NUDT9: variants seen among roughly 807,000 people sequenced by gnomAD.
NUDT9 encodes the protein ADP-ribose pyrophosphatase.
NUDT9 carries 31 observed loss-of-function variants against 41.0 expected under a neutral mutation model. The observed-to-expected ratio is 0.76, with a 90% CI of 0.57 to 1.02. The LOEUF (loss-of-function observed/expected upper bound fraction) is 1.02, where lower values mean the gene tolerates loss of function less well. NUDT9 is among the 50% of genes least tolerant of loss of function. The pLI is 0.00. For synonymous variants in NUDT9, 146 were observed against 147.6 expected, an observed-to-expected ratio of 0.99 and a Z score of 0.08; for missense variants, 380 against 431.4, an observed-to-expected ratio of 0.88 and a Z score of 1.06.
At chr4:87,440,000 C>T (rs1206995820) in intron 3 of NUDT9, among the ~76,000 whole-genome samples, 3 of 152,186 alleles carry the variant, frequency 2.0e-5, no homozygotes, top group Non-Finnish European at 4.4e-5. Flanking sequence ...CCTGGTCCTT[C>T]AGTTTTGCTA....
At chr4:87,437,957 A>T (rs1015616008) in intron 2 of NUDT9, among the ~76,000 whole-genome samples, 3 of 152,224 alleles carry the variant, frequency 2.0e-5, no homozygotes, top group African/African-American at 7.2e-5. Context: ...CCCACAAACA[A>T]TTCCTTCTTG....
intron 2 of NUDT9, among the ~76,000 whole-genome samples, chr4:87,436,313 C>T (rs1276395345): frequency 6.6e-6 from 1 of 152,156 alleles, no homozygotes; most frequent in East Asian, 1.9e-4. Context: ...TGACCATCAT[C>T]TCCCCATTTT....
At chr4:87,424,294 C>G (rs776680686) in intron 1 of NUDT9, among the ~76,000 whole-genome samples, 2 of 137,716 alleles carry the variant, frequency 1.5e-5, no homozygotes, top group South Asian at 2.4e-4. Context: ...GAGTTTCGCT[C>G]TGTCGCCCAG....
chr4:87,443,398 A>T (rs1431207291), intron 4 of NUDT9, among the ~76,000 whole-genome samples: 1 of 152,232 alleles, frequency 6.6e-6, no homozygotes, highest in Non-Finnish European at 1.5e-5. Context: ...GGCATTATAT[A>T]AAGAAGGTAA....
intron 5 of NUDT9, among the ~76,000 whole-genome samples, chr4:87,450,319 T>G (rs1315743919): frequency 6.6e-6 from 1 of 151,722 alleles, no homozygotes; most frequent in East Asian, 1.9e-4. Context: ...TAAAAATGAG[T>G]GGAAATAAGG....
intron 1 of NUDT9, among the ~76,000 whole-genome samples, chr4:87,430,397 C>A (rs919527301): frequency 6.6e-6 from 1 of 152,178 alleles, no homozygotes; most frequent in Admixed American, 6.5e-5. Context: ...TTTGTTGTGG[C>A]TTCAGTAGAA....
intron 4 of NUDT9, among the ~76,000 whole-genome samples, chr4:87,443,794 T>G (rs1422212242): frequency 6.6e-6 from 1 of 152,186 alleles, no homozygotes; most frequent in East Asian, 1.9e-4. Flanking sequence ...AATATTCTTG[T>G]AGAAGAGTAG....
At chr4:87,428,826 C>T (rs1321631883) in intron 1 of NUDT9, among the ~76,000 whole-genome samples, 2 of 152,132 alleles carry the variant, frequency 1.3e-5, no homozygotes, top group South Asian at 4.1e-4. Context: ...CATGCATAGC[C>T]TCCCGCATTG....
chr4:87,434,850 C>T, intron 1 of NUDT9, 131 bp from the exon 2 acceptor site: 1 of 715,524 alleles, frequency 1.4e-6, no homozygotes, highest in Non-Finnish European at 2.3e-6. Flanking sequence ...AACCCCTAAC[C>T]TCAGGTGATC....
At chr4:87,442,487 G>C (rs1474158846) in intron 4 of NUDT9, among the ~76,000 whole-genome samples, 1 of 152,062 alleles carries the variant, frequency 6.6e-6, no homozygotes, top group Non-Finnish European at 1.5e-5. Flanking sequence ...GCATACTTAG[G>C]CTACACCAAA....
intron 1 of NUDT9, among the ~76,000 whole-genome samples, chr4:87,429,263 C>T (rs1046206631): frequency 6.6e-6 from 1 of 152,054 alleles, no homozygotes; most frequent in African/African-American, 2.4e-5. Flanking sequence ...GAGATCCTCC[C>T]ACCTCAGCTT....
chr4:87,441,819 G>C lies in NUDT9; in HGVS notation c.444-10G>C, dbSNP rs535024591. 7.5e-6 allele frequency: 12 copies of C among 1,609,942 alleles called. No individual in the cohort carries two copies. In the African/African-American group the frequency reaches 1.5e-4, roughly 20 times the overall value. Reference sequence around the variant, plus strand: ...ATTCAATTGATTTTATGCTTTTTTTGTTTTTCCAGAAATCCTGCAGGACGG... The same window carrying C: ...ATTCAATTGATTTTATGCTTTTTTTCTTTTTCCAGAAATCCTGCAGGACGG... On this transcript the variant is annotated splice_polypyrimidine_tract_variant and intron_variant, in intron 3 of 7. Transcript: ENST00000302174.
Position 87,422,637 on chromosome 4 carries a change from C to T in NUDT9, c.-269C>T, listed in dbSNP as rs1464364905. The T allele has an allele frequency of 2.3e-5, 8 of 345,452 alleles. No homozygotes were observed. Among genetic ancestry groups the T allele is most frequent in the Non-Finnish European group, 3.6e-5 (7 of 192,494 alleles). The allele number at this position is 345,452 out of a possible 1,614,324, so 21.4% of individuals were successfully genotyped here. A position where few individuals can be genotyped will look rare whatever the true frequency, so the allele number is the denominator to read the frequency against. ...TACGAGGTTCGTGGCCGCGGTTTCC[C>T]CAGGCAGCTGGCGCTGGAGGCTTCG... On this transcript the variant is annotated 5_prime_UTR_variant, in exon 1 of 8. Coordinates refer to ENST00000302174, the MANE Select transcript of NUDT9 (RefSeq NM_024047.5).
At chr4:87,451,438 C>G (rs756111219) in intron 5 of NUDT9, 151 bp from the exon 6 acceptor site, 29 of 559,596 alleles carry the variant, frequency 5.2e-5, no homozygotes, top group South Asian at 1.9e-4. Context: ...CTACTAGCAA[C>G]AGATGGTTTA....
intron 4 of NUDT9, among the ~76,000 whole-genome samples, chr4:87,448,520 C>T (rs535138737): frequency 1.5e-4 from 23 of 151,974 alleles, no homozygotes; most frequent in African/African-American, 4.1e-4. Flanking sequence ...CTCTCTCTGT[C>T]GCCCAAGCTG....
At chr4:87,441,488 A>G (rs1226895643) in intron 3 of NUDT9, among the ~76,000 whole-genome samples, 1 of 152,206 alleles carries the variant, frequency 6.6e-6, no homozygotes, top group Non-Finnish European at 1.5e-5. Flanking sequence ...AATAATGAGA[A>G]AGTGAAGAGA....
Position 87,423,029 on chromosome 4 carries a change from C to A in NUDT9, c.107+17C>A. 6.3e-7 allele frequency: 1 copy of A among 1,596,232 alleles called. No homozygotes were observed. The highest frequency in any genetic ancestry group is 2.3e-5 in the East Asian group (1 of 44,358). On this transcript the variant is annotated intron_variant, in intron 1 of 7. Transcript: ENST00000302174. ...GGCGTTCAGGTATTCCACCCTCCTA[C>A]TACCGGCTCCTTTGCCCTAGACCTT... is the stretch of plus-strand genomic sequence containing the variant.
chr4:87,436,501 A>G (rs1209179076), intron 2 of NUDT9, among the ~76,000 whole-genome samples: 10 of 151,900 alleles, frequency 6.6e-5, no homozygotes, highest in Admixed American at 6.6e-4. Context: ...AGCAGAGAAG[A>G]GTTCTCACTG....
At chr4:87,439,219 T>C (rs1321070845) in intron 3 of NUDT9, among the ~76,000 whole-genome samples, 1 of 151,578 alleles carries the variant, frequency 6.6e-6, no homozygotes, top group Non-Finnish European at 1.5e-5. Context: ...GAAAGAAGTT[T>C]AATTAACTTA....
Sources: allele counts gnomAD v4.1 joint callset (sites outside exome capture counted in the v4.1 genomes callset), GRCh38; gene constraint gnomAD v4.1.1; transcripts MANE v1.5; gene names NCBI Gene and HGNC (gene_info 2026-07-23, HGNC 2026-07-21).